MMEL1: variants seen among roughly 807,000 people sequenced by gnomAD.
The protein encoded by MMEL1 is membrane metallo-endopeptidase-like 1.
In MMEL1, 98 loss-of-function variants were observed where a neutral mutation model predicts 117.1. That is an observed-to-expected ratio of 0.84 (90% CI 0.71 to 0.99). The LOEUF (loss-of-function observed/expected upper bound fraction) is 0.99. MMEL1 is among the 50% of genes least tolerant of loss of function. The pLI is 0.00. For missense variants in MMEL1, 1,014 were observed against 1,049.1 expected (o/e 0.97, Z 0.46); for synonymous variants, 390 against 415.1 (o/e 0.94, Z 0.74).
intron 2 of MMEL1, among the ~76,000 whole-genome samples, chr1:2,628,874 A>C (rs1414611877): frequency 6.7e-6 from 1 of 150,260 alleles, no homozygotes; most frequent in Non-Finnish European, 1.5e-5. Flanking sequence ...GTCTCTCCGC[A>C]GGATGGCAGC....
At position 2,611,427 on chromosome 1, in the gene MMEL1, G is replaced by A. The variant is rs1470217963; in HGVS notation, c.233-87C>T. 4 of 902,620 alleles carry A rather than the reference G, an allele frequency of 4.4e-6. No individual in the cohort carries two copies. The African/African-American group carries it at 7.1e-5, about 16-fold the overall frequency. The allele number at this position is 902,620 out of a possible 1,614,324, so 55.9% of individuals were successfully genotyped here. A position where few individuals can be genotyped will look rare whatever the true frequency, so the allele number is the denominator to read the frequency against. Reference sequence around the variant, plus strand: ...GGGTGTGGGCGGGGCAAGGTCTGGTGGGTGTGGCATGGGGATGGGCATAGA... The same window carrying A: ...GGGTGTGGGCGGGGCAAGGTCTGGTAGGTGTGGCATGGGGATGGGCATAGA... On this transcript the variant is annotated intron_variant, in intron 3 of 23. Coordinates refer to ENST00000378412, the MANE Select transcript of MMEL1 (RefSeq NM_033467.4).
At position 2,594,778 on chromosome 1, in the gene MMEL1, G is replaced by A. The variant is rs375686318; in HGVS notation, c.1688+12C>T. On this transcript the variant is annotated intron_variant, in intron 17 of 23. Coordinates refer to ENST00000378412, the MANE Select transcript of MMEL1 (RefSeq NM_033467.4). ...CCCCCCCCGCCCATGCCGCACCAGC[G>A]ATGCCACTCACAGATTTGGGTCCAC... 132 of 1,601,984 alleles carry A rather than the reference G, an allele frequency of 8.2e-5. No individual in the cohort carries two copies. The highest frequency in any genetic ancestry group is 1.7e-4 in the Middle Eastern group (1 of 6,038).
intron 2 of MMEL1, among the ~76,000 whole-genome samples, chr1:2,623,917 A>G (rs965070942): frequency 6.6e-6 from 1 of 152,162 alleles, no homozygotes; most frequent in Non-Finnish European, 1.5e-5. Flanking sequence ...AGGAGTAAAA[A>G]TCCCCGGCCC....
rs538815818 is a variant in MMEL1 at position 2,603,785 on chromosome 1, C to A, written c.1041+99G>T. 2.2e-4 allele frequency: 240 copies of A among 1,088,046 alleles called. 1 individual carries two copies. In the Middle Eastern group the frequency reaches 3.1e-3, roughly 14 times the overall value. 67.4% of individuals were successfully genotyped at this position (1,088,046 alleles called of 1,614,324 possible). On this transcript the variant is annotated intron_variant, in intron 11 of 23. Transcript: ENST00000378412. ...CTCGGGGATGGGGAATGTTTCTGAG[C>A]TTAAATGCCAGGCAACGTGCCCTCT...
chr1:2,598,394 C>T lies in MMEL1; in HGVS notation c.1179-94G>A, dbSNP rs1644880557. ...TAGGGCCCTTGGCCAGCACGTTCCA[C>T]CCCAGAGAGTTATGGGTGCTGGAGA... On this transcript the variant is annotated intron_variant, in intron 12 of 23. Coordinates refer to ENST00000378412, the MANE Select transcript of MMEL1 (RefSeq NM_033467.4). The T allele has an allele frequency of 5.9e-6, 8 of 1,347,318 alleles. No individual in the cohort carries two copies. In the Admixed American group the frequency reaches 9.4e-5, roughly 16 times the overall value. The allele number at this position is 1,347,318 out of a possible 1,614,324, so 83.5% of individuals were successfully genotyped here.
chr1:2,603,697 A>G (rs1238270497), intron 11 of MMEL1, among the ~76,000 whole-genome samples, 187 bp downstream of exon 11: 1 of 152,160 alleles, frequency 6.6e-6, no homozygotes, highest in Non-Finnish European at 1.5e-5. Flanking sequence ...TCCCAGTGAC[A>G]TTAGTAATCG....
intron 7 of MMEL1, among the ~76,000 whole-genome samples, chr1:2,606,632 C>G (rs977563472): frequency 1.3e-5 from 2 of 152,248 alleles, no homozygotes; most frequent in Non-Finnish European, 2.9e-5. Flanking sequence ...CTCCTGCCCC[C>G]GGGGGAATGG....
intron 6 of MMEL1, among the ~76,000 whole-genome samples, chr1:2,607,601 G>A (rs1048704802): frequency 1.3e-5 from 2 of 152,116 alleles, no homozygotes; most frequent in African/African-American, 2.4e-5. Context: ...GTGGGGACGC[G>A]GAGATAGTCA....
chr1:2,600,341 T>C (rs1644911424), intron 11 of MMEL1, among the ~76,000 whole-genome samples: 1 of 151,896 alleles, frequency 6.6e-6, no homozygotes, highest in East Asian at 1.9e-4. Context: ...AGCATTATGC[T>C]CAAAATCCTG....
chr1:2,618,827 G>A (rs558497088), intron 2 of MMEL1, among the ~76,000 whole-genome samples: 26 of 152,266 alleles, frequency 1.7e-4, no homozygotes, highest in African/African-American at 5.8e-4. Flanking sequence ...ATTAGTGAGA[G>A]AAAACAAACA....
intron 2 of MMEL1, among the ~76,000 whole-genome samples, chr1:2,627,013 G>A (rs1451557874): frequency 6.6e-6 from 1 of 152,176 alleles, no homozygotes; most frequent in African/African-American, 2.4e-5. Context: ...CTAAAGCTAA[G>A]GAGATGAAAA....
intron 2 of MMEL1, among the ~76,000 whole-genome samples, chr1:2,614,268 G>A (rs559558469): frequency 1.1e-4 from 17 of 152,354 alleles, no homozygotes; most frequent in African/African-American, 3.8e-4. Context: ...AAATGGATAG[G>A]GGAATAAAGT....
intron 17 of MMEL1, 39 bp downstream of exon 17, chr1:2,594,751 G>T: frequency 6.5e-7 from 1 of 1,543,200 alleles, no homozygotes; most frequent in Non-Finnish European, 8.9e-7. Context: ...GCCACTCCCT[G>T]GCCCCCCCCG....
In MMEL1 at chr1:2,598,101, G is replaced by T. The variant is rs985261843; in HGVS notation, c.1272+106C>A. On this transcript the variant is annotated intron_variant, in intron 13 of 23. Transcript: ENST00000378412. Reference sequence around the variant, plus strand: ...GGCGCCTCGCCCTGCCTCGTCCATGGCTGTGACCCTGGTGTGGACCTCGGT... The same window carrying T: ...GGCGCCTCGCCCTGCCTCGTCCATGTCTGTGACCCTGGTGTGGACCTCGGT... The T allele has an allele frequency of 5.5e-6, 6 of 1,083,004 alleles. No individual in the cohort carries two copies. The African/African-American group carries it at 7.7e-5, about 14-fold the overall frequency. The allele number at this position is 1,083,004 out of a possible 1,614,324, so 67.1% of individuals were successfully genotyped here. A position where few individuals can be genotyped will look rare whatever the true frequency, so the allele number is the denominator to read the frequency against.
In MMEL1 at chr1:2,590,766, G is replaced by A. The variant is rs1013974546; in HGVS notation, c.*224C>T. The A allele has an allele frequency of 2.5e-6, 1 of 405,122 alleles. No individual in the cohort carries two copies. Among genetic ancestry groups the A allele is most frequent in the African/African-American group, 2.1e-5 (1 of 48,744 alleles). 25.1% of individuals were successfully genotyped at this position (405,122 alleles called of 1,614,324 possible). On this transcript the variant is annotated 3_prime_UTR_variant, in exon 24 of 24. Transcript: ENST00000378412. ...TGTGACGGGGGCACTGAGCCCCGCGGGTGTCTGTGGAGGGGGCTCCGGTCC... is the reference window on the plus strand; with the variant it reads ...TGTGACGGGGGCACTGAGCCCCGCGAGTGTCTGTGGAGGGGGCTCCGGTCC...
intron 14 of MMEL1, 47 bp from the exon 15 acceptor site, chr1:2,596,154 G>A (rs374971165): frequency 6.5e-6 from 10 of 1,539,878 alleles, no homozygotes; most frequent in African/African-American, 2.7e-5. Flanking sequence ...TCTGGAGGGC[G>A]AATGACCAGC....
At chr1:2,596,151 G>T in intron 14 of MMEL1, 44 bp from the exon 15 acceptor site, 1 of 1,551,778 alleles carries the variant, frequency 6.4e-7, no homozygotes, top group Non-Finnish European at 8.9e-7. Context: ...TCATCTGGAG[G>T]GCGAATGACC....
In MMEL1 at chr1:2,595,271, C is replaced by T. The variant is rs570848320; in HGVS notation, c.1584+5G>A. 19 of 1,612,726 alleles carry T rather than the reference C, an allele frequency of 1.2e-5. No homozygotes were observed. The highest frequency in any genetic ancestry group is 2.7e-5 in the African/African-American group (2 of 75,000). On this transcript the variant is annotated splice_donor_5th_base_variant and intron_variant, in intron 16 of 23. Coordinates refer to ENST00000378412, the MANE Select transcript of MMEL1 (RefSeq NM_033467.4). The surrounding 1 kb of genome is among the most constrained non-coding windows in gnomAD (Gnocchi z 4.8). ...GGCAGTTTAGGGCTGGGGTTGGGGG[C>T]GCACATTGGAGTACTCCTCGTCCAG...
chr1:2,593,925 C>A lies in MMEL1; in HGVS notation c.1756G>T (p.Ala586Ser). The change falls in exon 19 of 24, where the codon GCC becomes TCC. Residue 586 changes from alanine to serine, a missense_variant. By Grantham distance (99) the Ala-to-Ser change is moderately conservative (BLOSUM62 1). Coordinates refer to ENST00000378412, the MANE Select transcript of MMEL1 (RefSeq NM_033467.4). The part of the protein sequence containing the change: ...SPNRNQIVFP[A>S]GILQPPFFSK... ...AAGAAGGGGGGCTGGAGGATCCCGG[C>A]AGGGAATACTGTCCCCAAGGGCGGG... is the stretch of plus-strand genomic sequence containing the variant. 6.2e-7 allele frequency: 1 copy of A among 1,606,024 alleles called. No homozygotes were observed.
Sources: gnomAD v4.1 joint callset for allele counts (sites outside exome capture counted in the v4.1 genomes callset) on GRCh38, gnomAD v4.1.1 for gene constraint, Gnocchi (gnomAD v3.1) non-coding constraint, MANE v1.5 for transcripts, NCBI Gene and HGNC (gene_info 2026-07-23, HGNC 2026-07-21) for gene names.